Variants in LMTK2 observed in about 807,000 individuals in gnomAD.
The protein encoded by LMTK2 is lemur tail kinase 2, also known as serine/threonine-protein kinase LMTK2.
A neutral mutation model predicts 127.5 loss-of-function variants in LMTK2; 37 were observed. That is an observed-to-expected ratio of 0.29 (90% confidence interval 0.22 to 0.38). LMTK2 has a LOEUF of 0.38. LMTK2 is among the 10% of genes least tolerant of loss of function. The probability of loss-of-function intolerance (pLI) is 1.00; values close to 1 mark genes in which losing one functional copy is unlikely to be tolerated. For synonymous variants in LMTK2, 819 were observed against 810.1 expected (o/e 1.01, Z -0.19); for missense variants, 1,694 against 1,920.3 (o/e 0.88, Z 2.20).
In LMTK2 at chr7:98,207,307, G is replaced by A. The variant is rs1367493404; in HGVS notation, c.*1815G>A. 6.6e-6 allele frequency: 1 copy of A among 152,208 alleles called. No individual in the cohort carries two copies. The highest frequency in any genetic ancestry group is 2.4e-5 in the African/African-American group (1 of 41,438). 9.4% of individuals were successfully genotyped at this position (152,208 alleles called of 1,614,324 possible). On this transcript the variant is annotated 3_prime_UTR_variant, in exon 14 of 14. Transcript: ENST00000297293. Reference sequence around the variant, plus strand: ...AAGTTGAGTCCTAGTGCAAAATGCAGGCGGACGTTGCCAGAGAGTGCGCAG... The same window carrying A: ...AAGTTGAGTCCTAGTGCAAAATGCAAGCGGACGTTGCCAGAGAGTGCGCAG...
At position 98,192,218 on chromosome 7, in the gene LMTK2, G is replaced by A. The variant is rs764204529; in HGVS notation, c.1753G>A (p.Glu585Lys). 2.0e-6 allele frequency: 3 copies of A among 1,524,782 alleles called. No individual in the cohort carries two copies. Among genetic ancestry groups the A allele is most frequent in the African/African-American group, 2.8e-5 (2 of 71,752 alleles). 94.5% of individuals were successfully genotyped at this position (1,524,782 alleles called of 1,614,324 possible). A position where few individuals can be genotyped will look rare whatever the true frequency, so the allele number is the denominator to read the frequency against. Residue 585 changes from glutamate to lysine, a missense_variant, in exon 11 of 14, where the codon GAA (glutamate) becomes AAA (lysine). Physicochemically the swap from Glu to Lys is moderately conservative, Grantham distance 56. Transcript: ENST00000297293. The stretch of plus-strand genomic sequence containing the variant: ...GGATAATCCAGAAAGGACTGGCCCT[G>A]AACTGTCCCAGCTCACGGCGCTCAG... ...DMDNPERTGP[E>K]LSQLTALRSV...
Position 98,193,546 on chromosome 7 carries a change from G to T in LMTK2, c.3081G>T (p.Pro1027=), listed in dbSNP as rs145912351. ...AGAAACTAGTGCCCCCCGATAAGCCGGCAGACAGTGGCTACGAAACAGAGA... is the reference window on the plus strand; with the variant it reads ...AGAAACTAGTGCCCCCCGATAAGCCTGCAGACAGTGGCTACGAAACAGAGA... ...TPQKLVPPDK[P]ADSGYETENL... The change falls in exon 11 of 14, where the codon CCG becomes CCT. Residue 1027 remains proline, a synonymous_variant. Coordinates refer to ENST00000297293, the MANE Select transcript of LMTK2 (RefSeq NM_014916.4). The surrounding 1 kb of genome is among the most constrained non-coding windows in gnomAD (Gnocchi z 4.1). 3.7e-6 allele frequency: 6 copies of T among 1,614,104 alleles called. No individual in the cohort carries two copies. In the Admixed American group the frequency reaches 8.3e-5, roughly 22 times the overall value.
chr7:98,152,715 G>T (rs1435054419), intron 4 of LMTK2, among the ~76,000 whole-genome samples: 1 of 152,174 alleles, frequency 6.6e-6, no homozygotes, highest in African/African-American at 2.4e-5. Flanking sequence ...TGCTCGGAAT[G>T]AAACGGGGAA....
intron 3 of LMTK2, among the ~76,000 whole-genome samples, chr7:98,141,890 G>A (rs546393573): frequency 3.3e-5 from 5 of 152,326 alleles, no homozygotes; most frequent in African/African-American, 1.2e-4. Context: ...CTTCCACTGG[G>A]ATGCCCTGCA....
chr7:98,184,218 G>C (rs1797396687), intron 7 of LMTK2, among the ~76,000 whole-genome samples: 2 of 152,088 alleles, frequency 1.3e-5, no homozygotes, highest in Admixed American at 1.3e-4. Context: ...TCCTTAACCT[G>C]TCGAGCGTTC....
In LMTK2 at chr7:98,108,950, C is replaced by A. The variant is rs538240319; in HGVS notation, c.103+1670C>A. On this transcript the variant is annotated intron_variant, in intron 1 of 13. Transcript: ENST00000297293. ...CGATATCAGCTGACTGCAACCCCCCCCTTCCGAGTTCAAGCAGTTCTCTGC... is the reference window on the plus strand; with the variant it reads ...CGATATCAGCTGACTGCAACCCCCCACTTCCGAGTTCAAGCAGTTCTCTGC... Among the ~76,000 whole-genome samples the A allele has an allele frequency of 4.6e-5, 7 of 151,560 alleles. No homozygotes were observed. In the South Asian group the frequency reaches 8.4e-4, roughly 18 times the overall value.
chr7:98,115,848 A>G (rs1796274016), intron 1 of LMTK2, among the ~76,000 whole-genome samples: 1 of 152,148 alleles, frequency 6.6e-6, no homozygotes, highest in South Asian at 2.1e-4. Context: ...TGCACTTAAT[A>G]AATACCAAAT....
chr7:98,129,355 AGTTTT>A (rs10611952), intron 1 of LMTK2, among the ~76,000 whole-genome samples: 82,881 of 148,694 alleles, frequency 0.56, 23,643 homozygotes, highest in Middle Eastern at 0.75. Context: ...AAGTTTATTC[AGTTTT>A]GTTTTGTTTT....
Position 98,141,411 on chromosome 7 carries a change from T to C in LMTK2, c.246T>C (p.Asn82=), listed in dbSNP as rs1238648292. The C allele has an allele frequency of 6.2e-7, 1 of 1,613,788 alleles. No individual in the cohort carries two copies. Among genetic ancestry groups the C allele is most frequent in the South Asian group, 1.1e-5 (1 of 91,074 alleles). The part of the protein sequence containing the change: ...PEIDFKEFED[N]FDDEIDFTPP... ...TTTCATTTTAGGAATTTGAAGATAA[T>C]TTTGATGATGAGATAGATTTCACAC... Residue 82 remains asparagine, a synonymous_variant, in exon 3 of 14, where the codon AAT becomes AAC. Coordinates refer to ENST00000297293, the MANE Select transcript of LMTK2 (RefSeq NM_014916.4).
At chr7:98,144,157 G>A (rs1156942165) in intron 3 of LMTK2, among the ~76,000 whole-genome samples, 1 of 152,066 alleles carries the variant, frequency 6.6e-6, no homozygotes, top group Non-Finnish European at 1.5e-5. Flanking sequence ...TAGGCTGGGA[G>A]CGGTGGTTCA....
At position 98,107,935 on chromosome 7, in the gene LMTK2, T is replaced by TC. The variant is rs143105012; in HGVS notation, c.103+663dup. On this transcript the variant is annotated intron_variant, in intron 1 of 13. Coordinates refer to ENST00000297293, the MANE Select transcript of LMTK2 (RefSeq NM_014916.4). The stretch of plus-strand genomic sequence containing the variant: ...AACGTCAGTGTATGATTTTCTTTTC[T>TC]CCCCCCCCGCCCATTTTCTCAACAT... 5.6e-3 allele frequency among the ~76,000 whole-genome samples: 851 copies of TC among 150,878 alleles called. 11 individuals carry two copies. Among genetic ancestry groups the TC allele is most frequent in the East Asian group, 0.031 (160 of 5,134 alleles).
At position 98,193,501 on chromosome 7, in the gene LMTK2, T is replaced by C; in HGVS notation, c.3036T>C (p.Ser1012=). 1.9e-6 allele frequency: 3 copies of C among 1,614,092 alleles called. No individual in the cohort carries two copies. The highest frequency in any genetic ancestry group is 1.7e-6 in the Non-Finnish European group (2 of 1,180,008). ...ATGTCCACGAAGCGCTACTGGACTCTTTAGGATCTCACACTCCCCAGAAAC... is the reference window on the plus strand; with the variant it reads ...ATGTCCACGAAGCGCTACTGGACTCCTTAGGATCTCACACTCCCCAGAAAC... ...SVDVHEALLD[S]LGSHTPQKLV... is the part of the protein sequence containing the mutation. Residue 1012 remains serine, a synonymous_variant, in exon 11 of 14, where the codon TCT becomes TCC. Transcript: ENST00000297293. The surrounding 1 kb of genome is among the most constrained non-coding windows in gnomAD (Gnocchi z 4.1).
intron 2 of LMTK2, among the ~76,000 whole-genome samples, chr7:98,140,095 TTTCTTTCTTTC>T (rs1562902468): frequency 3.9e-4 from 1 of 2,546 alleles, no homozygotes; most frequent in East Asian, 0.062. Context: ...TCTTTCTTTC[TTTCTTTCTTTC>T]TTTCTTTCTT....
chr7:98,165,253 T>A (rs898653680), intron 6 of LMTK2, among the ~76,000 whole-genome samples: 4 of 152,160 alleles, frequency 2.6e-5, no homozygotes, highest in Non-Finnish European at 5.9e-5. Context: ...GCTGGGCATT[T>A]GATGTATGTT....
chr7:98,152,181 C>G (rs187779601), intron 4 of LMTK2, among the ~76,000 whole-genome samples: 1 of 152,148 alleles, frequency 6.6e-6, no homozygotes, highest in Non-Finnish European at 1.5e-5. Context: ...AACAACTAGT[C>G]TTCTCTCATA....
intron 11 of LMTK2, among the ~76,000 whole-genome samples, chr7:98,199,461 T>C (rs1490205852): frequency 6.6e-6 from 1 of 152,244 alleles, no homozygotes; most frequent in Non-Finnish European, 1.5e-5. Context: ...AATGTCCTTC[T>C]GTATTCCTTT....
At chr7:98,152,453 T>G (rs1796872726) in intron 4 of LMTK2, among the ~76,000 whole-genome samples, 1 of 152,252 alleles carries the variant, frequency 6.6e-6, no homozygotes, top group African/African-American at 2.4e-5. Context: ...TGAGTTCTCT[T>G]CTGCACCATT....
intron 1 of LMTK2, among the ~76,000 whole-genome samples, chr7:98,123,994 T>C (rs527796574): frequency 5.3e-5 from 8 of 152,332 alleles, no homozygotes; most frequent in Non-Finnish European, 1.0e-4. Context: ...TTGTTATTTC[T>C]GAGAATATAG....
chr7:98,199,196 G>T (rs1231332955), intron 11 of LMTK2, among the ~76,000 whole-genome samples: 1 of 151,986 alleles, frequency 6.6e-6, no homozygotes, highest in Non-Finnish European at 1.5e-5. Context: ...TGGTTTTGGT[G>T]GGTGGATCGT....
Sources: gnomAD v4.1 joint callset for allele counts (sites outside exome capture counted in the v4.1 genomes callset) on GRCh38, gnomAD v4.1.1 for gene constraint, Gnocchi (gnomAD v3.1) non-coding constraint, MANE v1.5 for transcripts, NCBI Gene and HGNC (gene_info 2026-07-23, HGNC 2026-07-21) for gene names.